PSTK: variants seen among roughly 807,000 people sequenced by gnomAD.
PSTK encodes L-seryl-tRNA(Sec) kinase.
Under a neutral mutation model 38.6 loss-of-function variants are expected in PSTK, and 26 were observed. That is an observed-to-expected ratio of 0.67 (90% CI 0.49 to 0.94). The LOEUF is 0.94. PSTK is among the 40% of genes least tolerant of loss of function. The pLI, the probability that PSTK is intolerant of heterozygous loss-of-function variation, is 0.00. For missense variants in PSTK, 445 were observed against 436.3 expected, an observed-to-expected ratio of 1.02 and a Z score of -0.18; for synonymous variants, 181 against 161.7, an observed-to-expected ratio of 1.12 and a Z score of -0.91.
Position 122,986,869 on chromosome 10 carries a change from GAC to G in PSTK, c.788_789del (p.Thr263ArgfsTer8), listed in dbSNP as rs1849041155. ...KYAEDNMEQK[D>X]TDRIICSTNI... ...AATAACAATGTCTGTATTAACATAGGACACAGACAGAATTATTTGTTCAACTA... is the reference window on the plus strand; with the variant it reads ...AATAACAATGTCTGTATTAACATAGGACAGACAGAATTATTTGTTCAACTA... On this transcript the variant is annotated frameshift_variant and splice_region_variant, in exon 5 of 6. Coordinates refer to ENST00000406217, the MANE Select transcript of PSTK (RefSeq NM_001363531.2). LOFTEE classifies it high-confidence loss of function. The G allele has an allele frequency of 6.4e-7, 1 of 1,568,328 alleles. No homozygotes were observed. Among genetic ancestry groups the G allele is most frequent in the Non-Finnish European group, 8.8e-7 (1 of 1,138,856 alleles).
chr10:122,980,932 C>A lies in PSTK; in HGVS notation c.216+237C>A. On this transcript the variant is annotated intron_variant, in intron 1 of 5. Coordinates refer to ENST00000406217, the MANE Select transcript of PSTK (RefSeq NM_001363531.2). This position sits in a 1 kb window ranked among gnomAD's most constrained non-coding sequence, Gnocchi z 4.3. ...CTGTTAGAACGATGCATTTTAGATGCTTATCTGTATATTTGATGCATGTAT... is the reference window on the plus strand; with the variant it reads ...CTGTTAGAACGATGCATTTTAGATGATTATCTGTATATTTGATGCATGTAT... 1 of 450,322 alleles carries A rather than the reference C, an allele frequency of 2.2e-6. No individual in the cohort carries two copies. The highest frequency in any genetic ancestry group is 2.9e-6 in the Non-Finnish European group (1 of 341,296). The allele number at this position is 450,322 out of a possible 1,614,324, so 27.9% of individuals were successfully genotyped here. A position where few individuals can be genotyped will look rare whatever the true frequency, so the allele number is the denominator to read the frequency against.
Position 122,983,007 on chromosome 10 carries a change from A to G in PSTK, c.491A>G (p.Tyr164Cys), listed in dbSNP as rs1288651223. Residue 164 changes from tyrosine (Y) to cysteine (C), a missense_variant, in exon 2 of 6, where the codon TAC becomes TGC. Coordinates refer to ENST00000406217, the MANE Select transcript of PSTK (RefSeq NM_001363531.2). ...FYYQSMRYEV[Y>C]QLARKYSLGF... ...TATCAGAGTATGAGATATGAAGTCT[A>G]CCAGCTGGCTCGGAAATGTAATTAA... The G allele has an allele frequency of 6.2e-7, 1 of 1,608,258 alleles. No homozygotes were observed. Among genetic ancestry groups the G allele is most frequent in the South Asian group, 1.1e-5 (1 of 89,980 alleles).
chr10:122,980,799 C>T lies in PSTK; in HGVS notation c.216+104C>T, dbSNP rs1589705475. The T allele has an allele frequency of 7.8e-7, 1 of 1,285,478 alleles. No individual in the cohort carries two copies. The allele number at this position is 1,285,478 out of a possible 1,614,324, so 79.6% of individuals were successfully genotyped here. A position where few individuals can be genotyped will look rare whatever the true frequency, so the allele number is the denominator to read the frequency against. The stretch of plus-strand genomic sequence containing the variant: ...GCGGTCCTGGGTGATTTGCCATGAG[C>T]GCCCATTGCTTGGTGTGGGAGGTGA... On this transcript the variant is annotated intron_variant, in intron 1 of 5. Transcript: ENST00000406217. The surrounding 1 kb of genome is among the most constrained non-coding windows in gnomAD (Gnocchi z 4.3).
At chr10:122,986,237 A>G in intron 3 of PSTK, 63 bp from the exon 4 acceptor site, 1 of 1,143,012 alleles carries the variant, frequency 8.7e-7, no homozygotes, top group Non-Finnish European at 1.2e-6. Flanking sequence ...TCAAAAAAAA[A>G]AAAAAAAAAA....
intron 1 of PSTK, among the ~76,000 whole-genome samples, chr10:122,981,616 C>G (rs1448852782): frequency 6.6e-6 from 1 of 152,200 alleles, no homozygotes; most frequent in Non-Finnish European, 1.5e-5. Context: ...ACTCTACTTT[C>G]TAAGTATATA....
At chr10:122,985,136 T>A (rs573837597) in intron 3 of PSTK, 2 of 152,428 alleles carry the variant, frequency 1.3e-5, no homozygotes, top group East Asian at 3.9e-4. Context: ...CTAACCCAGA[T>A]TAATTCTCCA....
Position 122,980,936 on chromosome 10 carries a change from T to C in PSTK, c.216+241T>C, listed in dbSNP as rs1848952497. 2 of 432,912 alleles carry C rather than the reference T, an allele frequency of 4.6e-6. No individual in the cohort carries two copies. The highest frequency in any genetic ancestry group is 6.1e-6 in the Non-Finnish European group (2 of 325,246). The allele number at this position is 432,912 out of a possible 1,614,324, so 26.8% of individuals were successfully genotyped here. The stretch of plus-strand genomic sequence containing the variant: ...TAGAACGATGCATTTTAGATGCTTA[T>C]CTGTATATTTGATGCATGTATATGT... On this transcript the variant is annotated intron_variant, in intron 1 of 5. Coordinates refer to ENST00000406217, the MANE Select transcript of PSTK (RefSeq NM_001363531.2). This position sits in a 1 kb window ranked among gnomAD's most constrained non-coding sequence, Gnocchi z 4.3.
At position 122,980,892 on chromosome 10, in the gene PSTK, T is replaced by G; in HGVS notation, c.216+197T>G. On this transcript the variant is annotated intron_variant, in intron 1 of 5. Coordinates refer to ENST00000406217, the MANE Select transcript of PSTK (RefSeq NM_001363531.2). This position sits in a 1 kb window ranked among gnomAD's most constrained non-coding sequence, Gnocchi z 4.3. ...GGGTGAATGCGTTGGCTGTAGAAAG[T>G]GGTTACAAAGCCAACTGTTAGAACG... is the stretch of plus-strand genomic sequence containing the variant. 1.1e-6 allele frequency: 1 copy of G among 890,810 alleles called. No homozygotes were observed. Among genetic ancestry groups the G allele is most frequent in the Non-Finnish European group, 1.3e-6 (1 of 743,484 alleles). The allele number at this position is 890,810 out of a possible 1,614,324, so 55.2% of individuals were successfully genotyped here. A position where few individuals can be genotyped will look rare whatever the true frequency, so the allele number is the denominator to read the frequency against.
In PSTK at chr10:122,980,646, A is replaced by G. The variant is rs1402251552; in HGVS notation, c.167A>G (p.Asp56Gly). The change falls in exon 1 of 6, where the codon GAT (aspartate) becomes GGT (glycine). Residue 56 changes from aspartate (D) to glycine (G), a missense_variant. Transcript: ENST00000406217. The surrounding 1 kb of genome is among the most constrained non-coding windows in gnomAD (Gnocchi z 4.3). ...QGWAIGVVAY[D>G]DVMPDAFLAG... Reference sequence around the variant, plus strand: ...TGGGCCATCGGTGTTGTCGCGTATGATGACGTCATGCCCGACGCGTTTCTC... The same window carrying G: ...TGGGCCATCGGTGTTGTCGCGTATGGTGACGTCATGCCCGACGCGTTTCTC... 2 of 1,605,418 alleles carry G rather than the reference A, an allele frequency of 1.2e-6. No homozygotes were observed. Among genetic ancestry groups the G allele is most frequent in the South Asian group, 1.1e-5 (1 of 90,664 alleles).
chr10:122,987,548 G>A (rs756750569), intron 5 of PSTK: 1 of 1,597,988 alleles, frequency 6.3e-7, no homozygotes, highest in Admixed American at 1.7e-5. Context: ...TGTAAGATCA[G>A]CATGGAATTT....
intron 5 of PSTK, among the ~76,000 whole-genome samples, chr10:122,989,418 AT>A (rs1308728003): frequency 6.6e-6 from 1 of 151,888 alleles, no homozygotes; most frequent in Non-Finnish European, 1.5e-5. Context: ...TGCCCCGCTA[AT>A]TTTTGTATTT....
At chr10:122,986,454 TGTGA>T (rs780270550) in intron 4 of PSTK, 79 bp downstream of exon 4, 3 of 1,046,138 alleles carry the variant, frequency 2.9e-6, no homozygotes, top group Admixed American at 3.5e-5. Context: ...GAATATAAAA[TGTGA>T]GTGAAACGGG....
chr10:122,986,770 AC>A, intron 4 of PSTK, 98 bp from the exon 5 acceptor site: 1 of 750,400 alleles, frequency 1.3e-6, no homozygotes, highest in South Asian at 1.8e-5. Context: ...AGCCGCTTAA[AC>A]TTTTCTTTTA....
chr10:122,987,445 C>T (rs1849050815), intron 5 of PSTK: 2 of 1,613,806 alleles, frequency 1.2e-6, no homozygotes, highest in Non-Finnish European at 1.7e-6. Flanking sequence ...TGCAGAAGCG[C>T]AAAGGTTGGC....
intron 5 of PSTK, chr10:122,987,598 A>AGAT: frequency 6.7e-7 from 1 of 1,484,162 alleles, no homozygotes; most frequent in Non-Finnish European, 9.0e-7. Context: ...TTTATATAAT[A>AGAT]GATGAAATAT....
chr10:122,980,851 A>C lies in PSTK; in HGVS notation c.216+156A>C, dbSNP rs1848951252. The C allele has an allele frequency of 2.0e-6, 2 of 981,854 alleles. No homozygotes were observed. Among genetic ancestry groups the C allele is most frequent in the African/African-American group, 3.5e-5 (2 of 57,168 alleles). The allele number at this position is 981,854 out of a possible 1,614,324, so 60.8% of individuals were successfully genotyped here. On this transcript the variant is annotated intron_variant, in intron 1 of 5. Transcript: ENST00000406217. This position sits in a 1 kb window ranked among gnomAD's most constrained non-coding sequence, Gnocchi z 4.3. ...GTTCGAGAAAAGTGGAGCTGGGTTA[A>C]CATAGTTACTGCAGAGGGTGAATGC... is the stretch of plus-strand genomic sequence containing the variant.
chr10:122,987,431 C>A (rs1471613333), intron 5 of PSTK: 1 of 1,613,984 alleles, frequency 6.2e-7, no homozygotes, highest in African/African-American at 1.3e-5. Context: ...ATGAACACAT[C>A]AAGTGCAGAA....
chr10:122,980,504 G>A lies in PSTK; in HGVS notation c.25G>A (p.Gly9Arg). 6.2e-7 allele frequency: 1 copy of A among 1,607,622 alleles called. No individual in the cohort carries two copies. The part of the protein sequence containing the change: MKTAENIR[G>R]TGSDGPRKRG... Reference sequence around the variant, plus strand: ...CATGAAGACCGCCGAGAACATCAGAGGAACCGGCAGCGACGGGCCGCGGAA... The same window carrying A: ...CATGAAGACCGCCGAGAACATCAGAAGAACCGGCAGCGACGGGCCGCGGAA... Residue 9 changes from glycine to arginine, a missense_variant, in exon 1 of 6, where the codon GGA (glycine) becomes AGA (arginine). Gly to Arg is a moderately radical substitution (Grantham distance 125). Transcript: ENST00000406217. The surrounding 1 kb of genome is among the most constrained non-coding windows in gnomAD (Gnocchi z 4.3).
In PSTK at chr10:122,983,417, T is replaced by A. The variant is rs1338735933; in HGVS notation, c.654T>A (p.Ala218=). Reference sequence around the variant, plus strand: ...AAAAGCCCAACCCTGAGAAAAATGCTTGGGAACACAACAGCCTCACAATTC... The same window carrying A: ...AAAAGCCCAACCCTGAGAAAAATGCATGGGAACACAACAGCCTCACAATTC... ...KLEKPNPEKN[A]WEHNSLTIPS... The change falls in exon 3 of 6, where the codon GCT becomes GCA. Residue 218 remains alanine (A), a synonymous_variant. Transcript: ENST00000406217. The A allele has an allele frequency of 3.1e-6, 5 of 1,613,986 alleles. No individual in the cohort carries two copies. Among genetic ancestry groups the A allele is most frequent in the Non-Finnish European group, 4.2e-6 (5 of 1,180,040 alleles).
Sources: allele counts gnomAD v4.1 joint callset (sites outside exome capture counted in the v4.1 genomes callset), GRCh38; gene constraint gnomAD v4.1.1; non-coding constraint Gnocchi (gnomAD v3.1); transcripts MANE v1.5; gene names NCBI Gene and HGNC (gene_info 2026-07-23, HGNC 2026-07-21).